The following FTO variants were observed in gnomAD, a reference collection of about 807,000 sequenced individuals.
FTO encodes the protein alpha-ketoglutarate-dependent dioxygenase FTO.
In FTO, 47 loss-of-function variants were observed where a neutral mutation model predicts 63.9. That is an observed-to-expected ratio of 0.74 (90% CI 0.58 to 0.94). The LOEUF (loss-of-function observed/expected upper bound fraction) is 0.94. Among genes scored for constraint, FTO ranks in the 40% least tolerant of loss-of-function variants. The pLI is 0.00. For missense variants in FTO, 562 were observed against 618.1 expected, an observed-to-expected ratio of 0.91 and a Z score of 0.96; for synonymous variants, 207 against 224.4, an observed-to-expected ratio of 0.92 and a Z score of 0.69.
chr16:54,067,618 A>G (rs1232118130), intron 8 of FTO, among the ~76,000 whole-genome samples: 1 of 152,226 alleles, frequency 6.6e-6, no homozygotes, highest in South Asian at 2.1e-4. Context: ...GCCAGTAGAC[A>G]TAAAAATTGC....
chr16:53,842,082 G>T (rs551341736), intron 3 of FTO, among the ~76,000 whole-genome samples: 2 of 152,150 alleles, frequency 1.3e-5, no homozygotes, highest in Non-Finnish European at 2.9e-5. Context: ...CACAAGGACT[G>T]TGAATGGAGT....
At chr16:53,725,924 A>C (rs775324470) in intron 1 of FTO, among the ~76,000 whole-genome samples, 1 of 152,264 alleles carries the variant, frequency 6.6e-6, no homozygotes, top group Non-Finnish European at 1.5e-5. Flanking sequence ...TGTCCAACTT[A>C]ATTCTTGATC....
Position 54,111,745 on chromosome 16 carries a change from T to A in FTO, c.1365-17T>A. On this transcript the variant is annotated splice_polypyrimidine_tract_variant and intron_variant, in intron 8 of 8. Transcript: ENST00000471389. ...GGTTTCCTCCCGTGGATTAATTTCC[T>A]ATTTTTACTCTTCCAGGTGCCAGTC... The A allele has an allele frequency of 6.2e-7, 1 of 1,614,164 alleles. No individual in the cohort carries two copies. The highest frequency in any genetic ancestry group is 8.5e-7 in the Non-Finnish European group (1 of 1,179,974).
chr16:54,063,348 G>A (rs2085633621), intron 8 of FTO, among the ~76,000 whole-genome samples: 1 of 152,164 alleles, frequency 6.6e-6, no homozygotes, highest in East Asian at 1.9e-4. Flanking sequence ...TTCCTGGCTG[G>A]AAATCTGCTT....
At chr16:54,015,189 C>T (rs1437561185) in intron 8 of FTO, among the ~76,000 whole-genome samples, 1 of 152,090 alleles carries the variant, frequency 6.6e-6, no homozygotes, top group African/African-American at 2.4e-5. Context: ...AGAGAGATGT[C>T]CTGGGCATTT....
chr16:53,807,176 T>G (rs749690894), intron 1 of FTO, among the ~76,000 whole-genome samples: 31 of 152,176 alleles, frequency 2.0e-4, no homozygotes, highest in African/African-American at 4.3e-4. Flanking sequence ...GTACTGAGTG[T>G]TGGTGTTCAG....
intron 8 of FTO, among the ~76,000 whole-genome samples, chr16:54,020,617 G>A (rs1456212492): frequency 3.3e-5 from 5 of 152,190 alleles, no homozygotes; most frequent in Non-Finnish European, 5.9e-5. Context: ...AAAGGCTTTT[G>A]GAGTGTACGT....
intron 8 of FTO, among the ~76,000 whole-genome samples, chr16:54,079,766 G>A (rs1326761516): frequency 6.6e-6 from 1 of 152,164 alleles, no homozygotes; most frequent in Non-Finnish European, 1.5e-5. Context: ...TCGCGACTCG[G>A]CTCTGGCCAG....
rs147528718 is a variant in FTO at position 53,950,395 on chromosome 16, C to A, written c.1364+16286C>A. On this transcript the variant is annotated intron_variant, in intron 8 of 8. Coordinates refer to ENST00000471389, the MANE Select transcript of FTO (RefSeq NM_001080432.3). ...CTTGGAGAAAGCAAAATGATGGATT[C>A]TTCTAAAGATCAAATGAGTATACGA... is the stretch of plus-strand genomic sequence containing the variant. Among the ~76,000 whole-genome samples the A allele has an allele frequency of 6.7e-3, 1,018 of 152,140 alleles. 4 individuals are homozygous for A. Among genetic ancestry groups the A allele is most frequent in the South Asian group, 0.025 (122 of 4,822 alleles).
chr16:53,847,131 A>G (rs544605492), intron 4 of FTO, among the ~76,000 whole-genome samples: 1 of 152,340 alleles, frequency 6.6e-6, no homozygotes, highest in East Asian at 1.9e-4. Flanking sequence ...TATTAGCTAT[A>G]CTGCAAAAGA....
Position 54,097,332 on chromosome 16 carries a change from T to TTG in FTO, c.1365-14429_1365-14428insGT, listed in dbSNP as rs1555507535. On this transcript the variant is annotated intron_variant, in intron 8 of 8. Coordinates refer to ENST00000471389, the MANE Select transcript of FTO (RefSeq NM_001080432.3). ...TAGCTTGCTCTTTTTTTGTTTTTTTTTTGTTGTTGTTGTTGTGTTGTTTTT... is the reference window on the plus strand; with the variant it reads ...TAGCTTGCTCTTTTTTTGTTTTTTTTTGTTGTTGTTGTTGTTGTGTTGTTTTT... Among the ~76,000 whole-genome samples the TTG allele has an allele frequency of 5.6e-4, 85 of 151,890 alleles. 1 individual carries two copies. The highest frequency in any genetic ancestry group is 1.9e-3 in the African/African-American group (80 of 41,342).
chr16:53,867,105 C>T (rs962801411), intron 4 of FTO, among the ~76,000 whole-genome samples: 9 of 151,610 alleles, frequency 5.9e-5, no homozygotes, highest in Admixed American at 2.6e-4. Flanking sequence ...TCATTTAGTT[C>T]CTTTTTTTTA....
intron 8 of FTO, among the ~76,000 whole-genome samples, chr16:54,066,128 T>TA (rs1437532303): frequency 6.6e-6 from 1 of 152,206 alleles, no homozygotes; most frequent in African/African-American, 2.4e-5. Context: ...TCTGAGGAGT[T>TA]ACCACTACTA....
intron 8 of FTO, among the ~76,000 whole-genome samples, chr16:54,093,655 A>G (rs1305790616): frequency 6.6e-6 from 1 of 152,162 alleles, no homozygotes; most frequent in East Asian, 1.9e-4. Context: ...CTCTATAATG[A>G]CATTCTGCAC....
intron 7 of FTO, 132 bp from the exon 8 acceptor site, chr16:53,933,853 T>C: frequency 1.2e-6 from 1 of 862,318 alleles, no homozygotes; most frequent in South Asian, 1.6e-5. Flanking sequence ...GGCCATCATT[T>C]ACTGCATTGA....
Position 53,884,625 on chromosome 16 carries a change from G to C in FTO, c.1120-4207G>C, listed in dbSNP as rs552440055. Among the ~76,000 whole-genome samples the C allele has an allele frequency of 1.8e-4, 28 of 152,332 alleles. 1 individual carries two copies. Among genetic ancestry groups the C allele is most frequent in the African/African-American group, 5.5e-4 (23 of 41,570 alleles). ...GGTAGAAGAAAAGTAGGTGACGTTT[G>C]CTGACCCGTTGGAATGATGGATATG... On this transcript the variant is annotated intron_variant, in intron 6 of 8. Transcript: ENST00000471389.
rs35391915 is a variant in FTO at position 53,787,110 on chromosome 16, C to CAAAAAAAAAAAA, written c.46-23009_46-22998dup. Among the ~76,000 whole-genome samples, 29 of 56,172 alleles carry CAAAAAAAAAAAA rather than the reference C, an allele frequency of 5.2e-4. 2 individuals carry two copies. Among genetic ancestry groups the CAAAAAAAAAAAA allele is most frequent in the African/African-American group, 2.1e-3 (24 of 11,434 alleles). The allele number at this position is 56,172 out of a possible 152,430, so 36.9% of individuals were successfully genotyped here. On this transcript the variant is annotated intron_variant, in intron 1 of 8. Coordinates refer to ENST00000471389, the MANE Select transcript of FTO (RefSeq NM_001080432.3). ...TGGGCAACAGAGTGAGACTCCTTCTCAAAAAAAAAAAAAAAAAAAAAAAAA... is the reference window on the plus strand; with the variant it reads ...TGGGCAACAGAGTGAGACTCCTTCTCAAAAAAAAAAAAAAAAAAAAAAAAAAAAAAAAAAAAA...
chr16:53,956,933 G>A (rs1369046664), intron 8 of FTO: 2 of 152,122 alleles, frequency 1.3e-5, no homozygotes, highest in African/African-American at 2.4e-5. Flanking sequence ...CCAAAGTGCC[G>A]GGATTACAGG....
chr16:53,881,054 G>A (rs577613212), intron 6 of FTO, among the ~76,000 whole-genome samples: 5 of 151,308 alleles, frequency 3.3e-5, no homozygotes, highest in East Asian at 1.9e-4. Context: ...CCTGCGAGGC[G>A]GAGCTTGCAG....
Sources: gnomAD v4.1 joint callset for allele counts (sites outside exome capture counted in the v4.1 genomes callset) on GRCh38, gnomAD v4.1.1 for gene constraint, MANE v1.5 for transcripts, NCBI Gene and HGNC (gene_info 2026-07-23, HGNC 2026-07-21) for gene names.